Variants in CFAP46 observed in about 807,000 individuals in gnomAD.
The protein encoded by CFAP46 is cilia- and flagella-associated protein 46.
In CFAP46, 245 loss-of-function variants were observed where a neutral mutation model predicts 325.7. The ratio of observed to expected loss-of-function variants is 0.75; its 90% CI spans 0.68 to 0.84. CFAP46 has a LOEUF of 0.84. CFAP46 is among the 40% of genes least tolerant of loss of function. CFAP46 has a pLI of 0.00. For missense variants in CFAP46, 3,346 were observed against 3,543.0 expected, an observed-to-expected ratio of 0.94 and a Z score of 1.41; for synonymous variants, 1,523 against 1,495.9, an observed-to-expected ratio of 1.02 and a Z score of -0.42.
intron 43 of CFAP46, 43 bp downstream of exon 43, chr10:132,846,889 T>C: frequency 6.4e-7 from 1 of 1,571,018 alleles, no homozygotes; most frequent in Non-Finnish European, 8.6e-7. Flanking sequence ...TCCTCCCTCC[T>C]CCATGAAGGG....
At position 132,814,154 on chromosome 10, in the gene CFAP46, G is replaced by A; in HGVS notation, c.7386C>T (p.Pro2462=). 1 of 1,613,354 alleles carries A rather than the reference G, an allele frequency of 6.2e-7. No homozygotes were observed. Among genetic ancestry groups the A allele is most frequent in the Non-Finnish European group, 8.5e-7 (1 of 1,179,576 alleles). ...WAGHLGSKHF[P]SQAQWEQALG... is the part of the protein sequence containing the mutation. ...CTCCTGGGAGCCCAGATCCGAACCT[G>A]GGAAAGTGCTTGCTTCCCAGATGTC... is the stretch of plus-strand genomic sequence containing the variant. The change falls in exon 54 of 58, where the codon CCC becomes CCT. Residue 2462 remains proline, a splice_region_variant and synonymous_variant. Coordinates refer to ENST00000368586, the MANE Select transcript of CFAP46 (RefSeq NM_001200049.3).
Position 132,872,694 on chromosome 10 carries a change from G to A in CFAP46, c.4493C>T (p.Ser1498Leu), listed in dbSNP as rs986539360. ...SDSVVGSKGLSDLYHLRLAHA... is the reference protein window; with the variant it reads ...SDSVVGSKGLLDLYHLRLAHA... Reference sequence around the variant, plus strand: ...TACCCACCGAAGGTGGTAGAGATCCGACAGGCCCTTGCTTCCCACCACGGA... The same window carrying A: ...TACCCACCGAAGGTGGTAGAGATCCAACAGGCCCTTGCTTCCCACCACGGA... Residue 1498 changes from serine to leucine, a missense_variant, in exon 32 of 58, where the codon TCG becomes TTG. Ser to Leu is a moderately radical substitution (Grantham distance 145). Transcript: ENST00000368586. 1.9e-5 allele frequency: 29 copies of A among 1,550,604 alleles called. No homozygotes were observed. Among genetic ancestry groups the A allele is most frequent in the Non-Finnish European group, 2.4e-5 (28 of 1,147,018 alleles).
intron 36 of CFAP46, 50 bp from the exon 37 acceptor site, chr10:132,860,573 T>C: frequency 1.4e-6 from 2 of 1,393,770 alleles, no homozygotes; most frequent in Non-Finnish European, 2.0e-6. Context: ...CAGGCAGGCA[T>C]GGATACAGGC....
chr10:132,856,718 G>A (rs143506793), intron 39 of CFAP46, among the ~76,000 whole-genome samples: 150 of 152,254 alleles, frequency 9.9e-4, no homozygotes, highest in African/African-American at 3.0e-3. Context: ...GTGATAACTT[G>A]TCTTCCAATT....
chr10:132,853,948 A>G (rs1452870879), intron 39 of CFAP46, among the ~76,000 whole-genome samples: 1 of 152,098 alleles, frequency 6.6e-6, no homozygotes, highest in Non-Finnish European at 1.5e-5. Context: ...TGATCTTTTC[A>G]AAGAACTAGC....
At chr10:132,898,389 C>T (rs1849345807) in intron 24 of CFAP46, 1 of 232,436 alleles carries the variant, frequency 4.3e-6, no homozygotes, top group Admixed American at 5.2e-5. Context: ...AGGACCACTC[C>T]AGGACCCATG....
intron 35 of CFAP46, among the ~76,000 whole-genome samples, chr10:132,861,209 C>T (rs1848716893): frequency 6.6e-6 from 1 of 152,242 alleles, no homozygotes; most frequent in East Asian, 1.9e-4. Flanking sequence ...TCCTGCCCCA[C>T]TGTGGTTCCT....
chr10:132,926,741 G>C, intron 9 of CFAP46, 75 bp from the exon 10 acceptor site: 1 of 1,126,234 alleles, frequency 8.9e-7, no homozygotes, highest in South Asian at 1.3e-5. Flanking sequence ...GAAATTCAAA[G>C]GCATTTAAAA....
At chr10:132,912,917 G>A (rs1019744699) in intron 18 of CFAP46, 97 bp from the exon 19 acceptor site, 10 of 1,492,260 alleles carry the variant, frequency 6.7e-6, no homozygotes, top group African/African-American at 1.4e-5. Context: ...GGCCTGAGAT[G>A]CACGGGTGCC....
At chr10:132,865,989 G>A in intron 35 of CFAP46, 36 bp downstream of exon 35, 3 of 1,462,266 alleles carry the variant, frequency 2.1e-6, no homozygotes, top group Non-Finnish European at 2.7e-6. Context: ...GCTGGGAGCG[G>A]CTGTGGATGG....
Position 132,847,176 on chromosome 10 carries a change from G to A in CFAP46, c.6087+11C>T, listed in dbSNP as rs866823047. 8.1e-6 allele frequency: 13 copies of A among 1,609,932 alleles called. No homozygotes were observed. In the Middle Eastern group the frequency reaches 8.2e-4, roughly 102 times the overall value. ...CAGAGGCCACACGAGGGGCAGGAGG[G>A]GCAGCCGCACCTTCAGGTCCTCGCC... On this transcript the variant is annotated intron_variant, in intron 42 of 57. Transcript: ENST00000368586. This position sits in a 1 kb window ranked among gnomAD's most constrained non-coding sequence, Gnocchi z 5.2.
At chr10:132,810,562 C>G (rs776319016) in intron 56 of CFAP46, 73 bp from the exon 57 acceptor site, 1 of 1,381,400 alleles carries the variant, frequency 7.2e-7, no homozygotes, top group Non-Finnish European at 1.0e-6. Context: ...GGGACAGGCC[C>G]GGGATGCCAG....
At chr10:132,890,300 A>G (rs976303982) in intron 25 of CFAP46, among the ~76,000 whole-genome samples, 33 of 152,142 alleles carry the variant, frequency 2.2e-4, no homozygotes, top group African/African-American at 7.7e-4. Context: ...CCTGATCCAC[A>G]TCTCTGTCCT....
intron 50 of CFAP46, among the ~76,000 whole-genome samples, chr10:132,824,949 T>C (rs1277541222): frequency 1.4e-5 from 2 of 146,514 alleles, no homozygotes; most frequent in Non-Finnish European, 3.0e-5. Flanking sequence ...GTGTGTGTGC[T>C]GATGTGTGCT....
At chr10:132,933,139 T>C (rs942909239) in intron 8 of CFAP46, among the ~76,000 whole-genome samples, 1 of 152,196 alleles carries the variant, frequency 6.6e-6, no homozygotes, top group Admixed American at 6.5e-5. Context: ...CATCCCTGGG[T>C]AGCTGTGGGC....
rs1054083458 is a variant in CFAP46 at position 132,913,087 on chromosome 10, C to T, written c.2292G>A (p.Leu764=). 1.2e-5 allele frequency: 18 copies of T among 1,550,230 alleles called. No homozygotes were observed. In the Admixed American group the frequency reaches 3.5e-4, roughly 30 times the overall value. ...AGRQKELVDA[L]YHLLSIVKAT... ...CCTTAACGATGCTCAGGAGGTGGTA[C>T]AGGGCGTCCACCAGCTCCTTCTGCC... Residue 764 remains leucine, a synonymous_variant, in exon 18 of 58, where the codon CTG becomes CTA. Coordinates refer to ENST00000368586, the MANE Select transcript of CFAP46 (RefSeq NM_001200049.3).
Position 132,872,764 on chromosome 10 carries a change from C to G in CFAP46, c.4423G>C (p.Glu1475Gln), listed in dbSNP as rs747775478. Residue 1475 changes from glutamate (E) to glutamine (Q), a missense_variant, in exon 32 of 58, where the codon GAA becomes CAA. Physicochemically the swap from Glu to Gln is conservative, Grantham distance 29 (BLOSUM62 2). Coordinates refer to ENST00000368586, the MANE Select transcript of CFAP46 (RefSeq NM_001200049.3). The stretch of plus-strand genomic sequence containing the variant: ...AACTGCAGGACGGGAACCGTGAGTT[C>G]GTGCAGGCACATCTTCTGCAGGGCC... ...VKALQKMCLHELTVPVLQLGV... is the reference protein window; with the variant it reads ...VKALQKMCLHQLTVPVLQLGV... 5.8e-6 allele frequency: 9 copies of G among 1,550,896 alleles called. No individual in the cohort carries two copies. In the South Asian group the frequency reaches 9.5e-5, roughly 16 times the overall value.
intron 50 of CFAP46, among the ~76,000 whole-genome samples, chr10:132,822,701 GTGAGTGCTGA>G (rs1312242635): frequency 2.9e-5 from 4 of 135,922 alleles, no homozygotes; most frequent in African/African-American, 1.1e-4. Context: ...TGTGTGCTGT[GTGAGTGCTGA>G]TGTGTGCTGA....
At position 132,912,853 on chromosome 10, in the gene CFAP46, C is replaced by A. The variant is rs778955485; in HGVS notation, c.2334-33G>T. 170 of 1,543,268 alleles carry A rather than the reference C, an allele frequency of 1.1e-4. 2 individuals carry two copies. Among genetic ancestry groups the A allele is most frequent in the Non-Finnish European group, 1.0e-4 (119 of 1,145,718 alleles). On this transcript the variant is annotated intron_variant, in intron 18 of 57. Transcript: ENST00000368586. ...ACATGCTTGTCAGAGGGAACCTTGG[C>A]CCCCGCAGGCCTCGCCCCGATCCCA...
Sources: allele counts gnomAD v4.1 joint callset (sites outside exome capture counted in the v4.1 genomes callset), GRCh38; gene constraint gnomAD v4.1.1; non-coding constraint Gnocchi (gnomAD v3.1); transcripts MANE v1.5; gene names NCBI Gene and HGNC (gene_info 2026-07-23, HGNC 2026-07-21).